Variants in RGS7 observed in about 807,000 individuals in gnomAD.
The protein encoded by RGS7 is regulator of G-protein signaling 7.
Under a neutral mutation model 81.1 loss-of-function variants are expected in RGS7, and 27 were observed. That is an observed-to-expected ratio of 0.33 (90% CI 0.25 to 0.46). RGS7 has a LOEUF of 0.46. Among genes scored for constraint, RGS7 ranks in the 20% least tolerant of loss-of-function variants. The pLI, the probability that RGS7 is intolerant of heterozygous loss-of-function variation, is 1.00. For missense variants in RGS7, 396 were observed against 607.4 expected (o/e 0.65, Z 3.66); for synonymous variants, 208 against 207.7 (o/e 1.00, Z -0.01).
chr1:241,277,352 G>A (rs945460232), intron 2 of RGS7, among the ~76,000 whole-genome samples: 7 of 152,196 alleles, frequency 4.6e-5, no homozygotes, highest in African/African-American at 1.7e-4. Context: ...AGGCGTGGTG[G>A]CTCACGCCTG....
intron 4 of RGS7, among the ~76,000 whole-genome samples, chr1:240,971,058 ATGTC>A (rs1683131284): frequency 6.6e-6 from 1 of 152,172 alleles, no homozygotes; most frequent in Non-Finnish European, 1.5e-5. Flanking sequence ...TGTAGACTGA[ATGTC>A]TGTATCACCC....
intron 2 of RGS7, among the ~76,000 whole-genome samples, chr1:241,301,851 A>G (rs2079780136): frequency 6.6e-6 from 1 of 152,258 alleles, no homozygotes; most frequent in Non-Finnish European, 1.5e-5. Context: ...CAATTCTAAA[A>G]GGCATTTCCA....
intron 18 of RGS7, among the ~76,000 whole-genome samples, chr1:240,794,384 T>A (rs1686636777): frequency 6.6e-6 from 1 of 152,166 alleles, no homozygotes; most frequent in African/African-American, 2.4e-5. Context: ...GATGAATGAA[T>A]GATTTAGAAA....
intron 6 of RGS7, among the ~76,000 whole-genome samples, chr1:240,905,026 C>T (rs1427035749): frequency 6.6e-6 from 1 of 152,126 alleles, no homozygotes; most frequent in Non-Finnish European, 1.5e-5. Context: ...TAAAATGATC[C>T]ATATCACTAT....
chr1:241,116,336 T>A (rs2102976400), intron 2 of RGS7, among the ~76,000 whole-genome samples: 1 of 152,244 alleles, frequency 6.6e-6, no homozygotes, highest in Admixed American at 6.5e-5. Flanking sequence ...TTATGCCAAT[T>A]TATGTTTTAA....
At chr1:240,954,834 T>C (rs1227014763) in intron 4 of RGS7, among the ~76,000 whole-genome samples, 3 of 152,150 alleles carry the variant, frequency 2.0e-5, no homozygotes, top group Non-Finnish European at 4.4e-5. Flanking sequence ...ATTATAATTG[T>C]CTACGTAGAA....
At chr1:240,927,641 G>T (rs569272254) in intron 6 of RGS7, among the ~76,000 whole-genome samples, 1 of 152,260 alleles carries the variant, frequency 6.6e-6, no homozygotes, top group African/African-American at 2.4e-5. Context: ...ATTGCCTGCA[G>T]GTACAGACAC....
chr1:240,793,051 A>G (rs916957567), intron 18 of RGS7, among the ~76,000 whole-genome samples: 2 of 152,150 alleles, frequency 1.3e-5, no homozygotes, highest in Non-Finnish European at 2.9e-5. Flanking sequence ...TTGGAACACA[A>G]TACTTTGGGA....
At chr1:241,038,433 A>G (rs930782706) in intron 3 of RGS7, among the ~76,000 whole-genome samples, 1 of 152,218 alleles carries the variant, frequency 6.6e-6, no homozygotes, top group Non-Finnish European at 1.5e-5. Flanking sequence ...AGGCCACAAC[A>G]TATCCATAAT....
At chr1:241,135,422 G>A (rs1047817251) in intron 2 of RGS7, among the ~76,000 whole-genome samples, 5 of 152,074 alleles carry the variant, frequency 3.3e-5, no homozygotes, top group Non-Finnish European at 7.4e-5. Flanking sequence ...GCGAGACTCC[G>A]TCTGAACAAC....
At chr1:241,193,962 C>T (rs562999312) in intron 2 of RGS7, among the ~76,000 whole-genome samples, 4 of 152,286 alleles carry the variant, frequency 2.6e-5, no homozygotes, top group African/African-American at 7.2e-5. Flanking sequence ...ATATGGAAGA[C>T]AAACACAACA....
chr1:241,309,655 A>C (rs1185940705), intron 2 of RGS7, among the ~76,000 whole-genome samples: 5 of 152,238 alleles, frequency 3.3e-5, no homozygotes, highest in African/African-American at 1.2e-4. Context: ...ACTTGGTAGA[A>C]TGTAAAGGTC....
At chr1:241,342,396 T>C (rs1242314764) in intron 2 of RGS7, among the ~76,000 whole-genome samples, 1 of 152,120 alleles carries the variant, frequency 6.6e-6, no homozygotes, top group African/African-American at 2.4e-5. Context: ...TAAATGAAAG[T>C]AACATCAGTC....
chr1:240,833,937 T>A (rs113879968), intron 9 of RGS7, among the ~76,000 whole-genome samples: 80 of 152,174 alleles, frequency 5.3e-4, no homozygotes, highest in African/African-American at 1.7e-3. Context: ...AGTGCCACCA[T>A]GTCTGGCTAA....
intron 9 of RGS7, among the ~76,000 whole-genome samples, chr1:240,833,419 G>A (rs992021348): frequency 2.0e-5 from 3 of 152,224 alleles, no homozygotes; most frequent in African/African-American, 7.2e-5. Flanking sequence ...TGAAACCACA[G>A]AGTGCAACCA....
chr1:240,930,335 C>T (rs926349364), intron 6 of RGS7, among the ~76,000 whole-genome samples: 3 of 149,256 alleles, frequency 2.0e-5, no homozygotes, highest in Non-Finnish European at 3.0e-5. Flanking sequence ...ACCCTTGGGA[C>T]GTCAAGGGAC....
intron 3 of RGS7, among the ~76,000 whole-genome samples, chr1:241,073,909 T>A (rs2148876186): frequency 6.6e-6 from 1 of 151,944 alleles, no homozygotes; most frequent in Admixed American, 6.6e-5. Flanking sequence ...TCGTTCCTTT[T>A]TTTTTTTTTT....
At chr1:241,344,896 G>A (rs1048534270) in intron 2 of RGS7, among the ~76,000 whole-genome samples, 8 of 152,142 alleles carry the variant, frequency 5.3e-5, no homozygotes, top group African/African-American at 1.2e-4. Flanking sequence ...GATTCGCAGA[G>A]GAATATAAAT....
At chr1:240,800,750 A>T in intron 17 of RGS7, 29 bp from the exon 18 acceptor site, 1 of 1,388,676 alleles carries the variant, frequency 7.2e-7, no homozygotes, top group Non-Finnish European at 1.0e-6. Flanking sequence ...TGAAGGCTTT[A>T]GTTTGAGCTT....
Sources: gnomAD v4.1 joint callset for allele counts (sites outside exome capture counted in the v4.1 genomes callset) on GRCh38, gnomAD v4.1.1 for gene constraint, MANE v1.5 for transcripts, NCBI Gene and HGNC (gene_info 2026-07-23, HGNC 2026-07-21) for gene names.